CHD8: variants seen among roughly 807,000 people sequenced by gnomAD.
CHD8 encodes the protein chromodomain helicase DNA binding protein 8, also known as ATP-dependent chromatin remodeler CHD8.
CHD8 carries 31 observed loss-of-function variants against 279.2 expected under a neutral mutation model. The observed-to-expected ratio is 0.11, with a 90% CI of 0.08 to 0.15. CHD8 has a LOEUF of 0.15. Among genes scored for constraint, CHD8 ranks in the 10% least tolerant of loss-of-function variants. CHD8 has a pLI of 1.00. For synonymous variants in CHD8, 1,081 were observed against 1,139.6 expected (o/e 0.95, Z 1.04); for missense variants, 2,146 against 3,230.5 (o/e 0.66, Z 8.14).
Position 21,397,619 on chromosome 14 carries a change from G to C in CHD8, c.5051+204C>G, listed in dbSNP as rs542754924. 1,378 of 531,478 alleles carry C rather than the reference G, an allele frequency of 2.6e-3. 6 individuals are homozygous for C. Among genetic ancestry groups the C allele is most frequent in the Non-Finnish European group, 3.5e-3 (1,036 of 294,672 alleles). 32.9% of individuals were successfully genotyped at this position (531,478 alleles called of 1,614,324 possible). On this transcript the variant is annotated intron_variant, in intron 27 of 37. Coordinates refer to ENST00000646647, the MANE Select transcript of CHD8 (RefSeq NM_001170629.2). ...AACATCAAATAAGCCATTTACAAGT[G>C]ACATTCATTTTCACCCTCAGATGTA...
At chr14:21,414,906 G>A in intron 8 of CHD8, 32 bp downstream of exon 8, 1 of 1,564,178 alleles carries the variant, frequency 6.4e-7, no homozygotes, top group Non-Finnish European at 8.7e-7. Context: ...TGTGGAATTT[G>A]GGGTGACAAG....
At position 21,448,853 on chromosome 14, in the gene CHD8, G is replaced by A. The variant is rs553189176; in HGVS notation, c.-216+7179C>T. ...GCTGGGATTACAGGCGTGAGCCACC[G>A]CGCCTGGACCAGCACTGAACTTTTA... On this transcript the variant is annotated intron_variant, in intron 1 of 37. Coordinates refer to ENST00000646647, the MANE Select transcript of CHD8 (RefSeq NM_001170629.2). 1.1e-3 allele frequency among the ~76,000 whole-genome samples: 155 copies of A among 144,086 alleles called. 7 individuals carry two copies. In the South Asian group the frequency reaches 0.038, roughly 35 times the overall value. The allele number at this position is 144,086 out of a possible 152,430, so 94.5% of individuals were successfully genotyped here.
intron 33 of CHD8, 30 bp from the exon 34 acceptor site, chr14:21,392,839 T>C: frequency 6.2e-7 from 1 of 1,603,980 alleles, no homozygotes; most frequent in Non-Finnish European, 8.5e-7. Context: ...AATACCATTT[T>C]AAGAGTCTGA....
chr14:21,394,785 A>T, intron 30 of CHD8, 127 bp downstream of exon 30: 2 of 996,340 alleles, frequency 2.0e-6, no homozygotes, highest in Non-Finnish European at 2.9e-6. Context: ...CTACAGGTTT[A>T]ACTACCCAAG....
At chr14:21,424,755 G>A (rs1282494440) in intron 5 of CHD8, among the ~76,000 whole-genome samples, 1 of 152,214 alleles carries the variant, frequency 6.6e-6, no homozygotes, top group Non-Finnish European at 1.5e-5. Context: ...ACAGGCGGGA[G>A]CTACCGCGCC....
intron 37 of CHD8, among the ~76,000 whole-genome samples, 179 bp downstream of exon 37, chr14:21,390,768 C>CAA (rs34364818): frequency 5.1e-4 from 70 of 136,472 alleles, no homozygotes; most frequent in African/African-American, 1.8e-3. Context: ...GACTCCGTCT[C>CAA]AAAAAAAAAA....
chr14:21,431,782 G>GA lies in CHD8; in HGVS notation c.-140dup, dbSNP rs747679012. ...GACTACTCTTCAAGTATAGAGGCAA[G>GA]AAACAAGTGCATGTCAGATTGTCCT... On this transcript the variant is annotated 5_prime_UTR_variant, in exon 2 of 38. It introduces an in-frame stop codon into an upstream open reading frame of the 5' UTR. Transcript: ENST00000646647. The GA allele has an allele frequency of 6.2e-7, 1 of 1,613,598 alleles. No homozygotes were observed. The highest frequency in any genetic ancestry group is 8.5e-7 in the Non-Finnish European group (1 of 1,179,574).
At chr14:21,410,389 G>A (rs887778465) in intron 10 of CHD8, among the ~76,000 whole-genome samples, 6 of 152,198 alleles carry the variant, frequency 3.9e-5, no homozygotes, top group African/African-American at 9.6e-5. Flanking sequence ...CCTTTAGGAT[G>A]AGGACTATCA....
Position 21,403,918 on chromosome 14 carries a change from G to C in CHD8, c.3308-255C>G, listed in dbSNP as rs1888143223. The stretch of plus-strand genomic sequence containing the variant: ...GTTCGAGACCAGTCTGGCCAACATG[G>C]TGAAACCCCGTCTCTACTAACAATA... On this transcript the variant is annotated intron_variant, in intron 16 of 37. Coordinates refer to ENST00000646647, the MANE Select transcript of CHD8 (RefSeq NM_001170629.2). This position sits in a 1 kb window ranked among gnomAD's most constrained non-coding sequence, Gnocchi z 4.3. Among the ~76,000 whole-genome samples, 1 of 152,108 alleles carries C rather than the reference G, an allele frequency of 6.6e-6. No individual in the cohort carries two copies. The highest frequency in any genetic ancestry group is 2.4e-5 in the African/African-American group (1 of 41,424).
At position 21,420,974 on chromosome 14, in the gene CHD8, C is replaced by G. The variant is rs140756897; in HGVS notation, c.1717-5067G>C. On this transcript the variant is annotated intron_variant, in intron 5 of 37. Transcript: ENST00000646647. Reference sequence around the variant, plus strand: ...ATAGGGTTTCTCCACGTTGGTCAGGCTGGACTCGAACTCCCGACCTCAGGT... The same window carrying G: ...ATAGGGTTTCTCCACGTTGGTCAGGGTGGACTCGAACTCCCGACCTCAGGT... Among the ~76,000 whole-genome samples the G allele has an allele frequency of 5.5e-3, 842 of 152,248 alleles. 8 individuals are homozygous for G. The highest frequency in any genetic ancestry group is 0.019 in the African/African-American group (808 of 41,544).
intron 16 of CHD8, chr14:21,404,818 C>T (rs996248605): frequency 1.1e-5 from 2 of 175,086 alleles, no homozygotes; most frequent in African/African-American, 2.4e-5. Flanking sequence ...AAAAACATTC[C>T]AAATAAGAAT....
intron 5 of CHD8, chr14:21,416,194 G>C: frequency 3.2e-6 from 1 of 317,226 alleles, no homozygotes; most frequent in Non-Finnish European, 5.7e-6. Flanking sequence ...TCAGGCTGCA[G>C]GGTGCAATAT....
chr14:21,386,247 A>C, intron 37 of CHD8, 71 bp from the exon 38 acceptor site: 1 of 1,398,378 alleles, frequency 7.2e-7, no homozygotes, highest in Non-Finnish European at 9.6e-7. Flanking sequence ...AAGCCAACAG[A>C]GTCCTAGCTT....
intron 9 of CHD8, 143 bp from the exon 10 acceptor site, chr14:21,413,139 A>C (rs180737878): frequency 1.6e-6 from 1 of 642,308 alleles, no homozygotes; most frequent in African/African-American, 1.8e-5. Context: ...CTCCTTTTTC[A>C]TAACAGCAAA....
chr14:21,421,434 A>T (rs1889040802), intron 5 of CHD8, among the ~76,000 whole-genome samples: 1 of 151,798 alleles, frequency 6.6e-6, no homozygotes, highest in Non-Finnish European at 1.5e-5. Flanking sequence ...ATTTTACTTA[A>T]CTATTTCTCC....
At chr14:21,448,756 G>A (rs1211583901) in intron 1 of CHD8, among the ~76,000 whole-genome samples, 1 of 151,300 alleles carries the variant, frequency 6.6e-6, no homozygotes, top group Non-Finnish European at 1.5e-5. Flanking sequence ...AGAGACGGGG[G>A]TTTTCATCAT....
chr14:21,425,939 G>A, intron 5 of CHD8, 189 bp downstream of exon 5: 1 of 553,852 alleles, frequency 1.8e-6, no homozygotes, highest in Non-Finnish European at 3.2e-6. Flanking sequence ...TCTGTCTCAA[G>A]AAGAAGAAAA....
chr14:21,441,651 G>A (rs1205709274), intron 1 of CHD8, among the ~76,000 whole-genome samples: 1 of 151,956 alleles, frequency 6.6e-6, no homozygotes, highest in Non-Finnish European at 1.5e-5. Flanking sequence ...CACTTTGGGA[G>A]GCCAAGGCGG....
rs934981286 is a variant in CHD8, at chr14:21,402,213, T to C, written c.3883-77A>G. 3.5e-5 allele frequency: 51 copies of C among 1,463,860 alleles called. No homozygotes were observed. The highest frequency in any genetic ancestry group is 4.3e-5 in the Non-Finnish European group (46 of 1,073,268). 90.7% of individuals were successfully genotyped at this position (1,463,860 alleles called of 1,614,324 possible). A position where few individuals can be genotyped will look rare whatever the true frequency, so the allele number is the denominator to read the frequency against. ...CCATGCCATAATATTTTAGCTATTA[T>C]ATTTTAAGAAATAATAATTGAGAAT... On this transcript the variant is annotated intron_variant, in intron 19 of 37. Coordinates refer to ENST00000646647, the MANE Select transcript of CHD8 (RefSeq NM_001170629.2). This position sits in a 1 kb window ranked among gnomAD's most constrained non-coding sequence, Gnocchi z 4.5.
Sources: allele counts gnomAD v4.1 joint callset (sites outside exome capture counted in the v4.1 genomes callset), GRCh38; gene constraint gnomAD v4.1.1; non-coding constraint Gnocchi (gnomAD v3.1); transcripts MANE v1.5; gene names NCBI Gene and HGNC (gene_info 2026-07-23, HGNC 2026-07-21).